Variants in NRG1 observed in about 807,000 individuals in gnomAD.
NRG1 encodes the protein pro-neuregulin-1, membrane-bound isoform.
Under a neutral mutation model 63.8 loss-of-function variants are expected in NRG1, and 18 were observed. The ratio of observed to expected loss-of-function variants is 0.28; its 90% CI spans 0.19 to 0.42. NRG1 has a LOEUF of 0.42. NRG1 is among the 10% of genes least tolerant of loss of function. NRG1 has a pLI of 1.00. For synonymous variants in NRG1, 302 were observed against 301.3 expected (o/e 1.00, Z -0.02); for missense variants, 762 against 814.7 (o/e 0.94, Z 0.79).
At position 31,765,820 on chromosome 8, in the gene NRG1, A is replaced by G. The variant is rs553368577; in HGVS notation, c.37+126389A>G. 3.3e-4 allele frequency among the ~76,000 whole-genome samples: 50 copies of G among 152,196 alleles called. 2 individuals carry two copies. Among genetic ancestry groups the G allele is most frequent in the South Asian group, 2.7e-3 (13 of 4,820 alleles). On this transcript the variant is annotated intron_variant, in intron 1 of 10. Transcript: ENST00000519301. ...CAGGATTTTACTCCTGGCTCCTTCTATCCTTTGCATAGTGAGATCATATTC... is the reference window on the plus strand; with the variant it reads ...CAGGATTTTACTCCTGGCTCCTTCTGTCCTTTGCATAGTGAGATCATATTC...
chr8:32,295,920 G>C (rs1854796750), intron 1 of NRG1, among the ~76,000 whole-genome samples: 2 of 146,930 alleles, frequency 1.4e-5, no homozygotes, highest in Admixed American at 1.4e-4. Flanking sequence ...CTGGGTGACA[G>C]GGCAAGACTA....
chr8:32,088,192 C>T (rs1324850772), intron 1 of NRG1, among the ~76,000 whole-genome samples: 2 of 152,114 alleles, frequency 1.3e-5, no homozygotes, highest in African/African-American at 2.4e-5. Flanking sequence ...GTGTGTGTAT[C>T]GTCTCTCTAC....
chr8:32,611,281 A>T (rs1172307730), intron 3 of NRG1, among the ~76,000 whole-genome samples: 4 of 152,220 alleles, frequency 2.6e-5, no homozygotes, highest in African/African-American at 7.2e-5. Context: ...TTATTTTTAT[A>T]AAATTTAATT....
chr8:31,863,700 C>T (rs886126829), intron 1 of NRG1, among the ~76,000 whole-genome samples: 1 of 152,184 alleles, frequency 6.6e-6, no homozygotes, highest in Non-Finnish European at 1.5e-5. Flanking sequence ...TCAGAAAGTC[C>T]TGCCTTTCCT....
chr8:32,707,150 G>A (rs1340576071), intron 5 of NRG1, among the ~76,000 whole-genome samples: 1 of 151,928 alleles, frequency 6.6e-6, no homozygotes, highest in Non-Finnish European at 1.5e-5. Context: ...TTTTAATTCA[G>A]ATAATTAGAG....
chr8:32,241,346 T>C (rs1297761894), intron 1 of NRG1, among the ~76,000 whole-genome samples: 2 of 152,208 alleles, frequency 1.3e-5, no homozygotes, highest in African/African-American at 2.4e-5. Context: ...TATTTACAAC[T>C]CTTTATTTGT....
At chr8:32,645,099 C>A (rs1320750164) in intron 5 of NRG1, among the ~76,000 whole-genome samples, 1 of 152,068 alleles carries the variant, frequency 6.6e-6, no homozygotes. Context: ...TCATAAATTA[C>A]CCTAGTTTAG....
chr8:31,928,733 A>G (rs1834623724), intron 1 of NRG1, among the ~76,000 whole-genome samples: 1 of 152,200 alleles, frequency 6.6e-6, no homozygotes, highest in African/African-American at 2.4e-5. Context: ...CAATTTGGAT[A>G]GAACTAGAGG....
At chr8:31,981,298 C>T (rs1274429954) in intron 1 of NRG1, among the ~76,000 whole-genome samples, 1 of 151,962 alleles carries the variant, frequency 6.6e-6, no homozygotes, top group Non-Finnish European at 1.5e-5. Context: ...TGGTAAACAA[C>T]TTAGGAACTG....
At chr8:31,873,432 G>A (rs556000218) in intron 1 of NRG1, among the ~76,000 whole-genome samples, 10 of 152,092 alleles carry the variant, frequency 6.6e-5, no homozygotes, top group Non-Finnish European at 1.2e-4. Context: ...GGTGGCGTGC[G>A]CCTATAATCC....
intron 1 of NRG1, among the ~76,000 whole-genome samples, chr8:32,031,263 G>T (rs1818216569): frequency 6.6e-6 from 1 of 152,212 alleles, no homozygotes; most frequent in Non-Finnish European, 1.5e-5. Context: ...CAGGACCTCA[G>T]GCCCATCTCT....
intron 1 of NRG1, among the ~76,000 whole-genome samples, chr8:31,947,552 C>T (rs1029788293): frequency 1.3e-5 from 2 of 152,096 alleles, no homozygotes; most frequent in Admixed American, 1.3e-4. Context: ...TCACATATCC[C>T]TTTGTTTGCC....
At chr8:32,025,875 G>A (rs1233066701) in intron 1 of NRG1, among the ~76,000 whole-genome samples, 1 of 150,222 alleles carries the variant, frequency 6.7e-6, no homozygotes, top group Non-Finnish European at 1.5e-5. Context: ...GAACCCGGGA[G>A]GCGGAGCTTG....
chr8:31,975,172 A>G (rs1229432154), intron 1 of NRG1, among the ~76,000 whole-genome samples: 1 of 152,198 alleles, frequency 6.6e-6, no homozygotes, highest in African/African-American at 2.4e-5. Flanking sequence ...ATTCTGTACA[A>G]CAACATTATG....
chr8:32,081,763 A>G (rs1047793692), intron 1 of NRG1, among the ~76,000 whole-genome samples: 17 of 23,294 alleles, frequency 7.3e-4, no homozygotes, highest in Admixed American at 7.3e-4. Context: ...CCCAAAGTCA[A>G]TAAGCAGGGA....
At chr8:32,536,781 G>A (rs571474782) in intron 1 of NRG1, among the ~76,000 whole-genome samples, 2 of 151,784 alleles carry the variant, frequency 1.3e-5, no homozygotes, top group East Asian at 2.0e-4. Context: ...AAAATTAGCC[G>A]GGTGTGGTGG....
intron 1 of NRG1, among the ~76,000 whole-genome samples, chr8:32,038,936 T>C (rs1254230849): frequency 6.6e-6 from 1 of 152,114 alleles, no homozygotes; most frequent in Non-Finnish European, 1.5e-5. Context: ...AAAAGTGATC[T>C]GTATCCTCTC....
intron 5 of NRG1, among the ~76,000 whole-genome samples, chr8:32,641,164 T>TAA (rs1003430335): frequency 8.7e-5 from 13 of 149,434 alleles, no homozygotes; most frequent in African/African-American, 1.7e-4. Flanking sequence ...TATATATATA[T>TAA]AAATATATTT....
chr8:31,792,337 C>A (rs1271539423), intron 1 of NRG1, among the ~76,000 whole-genome samples: 1 of 152,158 alleles, frequency 6.6e-6, no homozygotes, highest in Non-Finnish European at 1.5e-5. Context: ...CTAGTCCAGG[C>A]TCTTTGTTTT....
Sources: allele counts gnomAD v4.1 joint callset (sites outside exome capture counted in the v4.1 genomes callset), GRCh38; gene constraint gnomAD v4.1.1; transcripts MANE v1.5; gene names NCBI Gene and HGNC (gene_info 2026-07-23, HGNC 2026-07-21).